BRWD1: variants seen among roughly 807,000 people sequenced by gnomAD.
BRWD1 encodes bromodomain and WD repeat-containing protein 1.
BRWD1 carries 82 observed loss-of-function variants against 251.2 expected under a neutral mutation model. The ratio of observed to expected loss-of-function variants is 0.33; its 90% CI spans 0.27 to 0.39. The LOEUF (loss-of-function observed/expected upper bound fraction) is 0.39, where lower values mean the gene tolerates loss of function less well. Ranked by LOEUF, BRWD1 falls within the 10% of genes least tolerant of loss-of-function variation. The probability of loss-of-function intolerance (pLI) is 1.00; values close to 1 mark genes in which losing one functional copy is unlikely to be tolerated. For missense variants in BRWD1, 2,233 were observed against 2,711.6 expected, an observed-to-expected ratio of 0.82 and a Z score of 3.92; for synonymous variants, 918 against 902.8, an observed-to-expected ratio of 1.02 and a Z score of -0.30.
intron 20 of BRWD1, among the ~76,000 whole-genome samples, chr21:39,249,973 G>GAT (rs754949789): frequency 7.5e-4 from 111 of 148,702 alleles, no homozygotes; most frequent in Non-Finnish European, 1.3e-3. Flanking sequence ...CACACACATA[G>GAT]ATATATATAT....
At chr21:39,184,729 A>T (rs540550672), downstream of BRWD1, 1 of 152,386 alleles carries the variant, frequency 6.6e-6, no homozygotes, top group Non-Finnish European at 1.5e-5. Context: ...TTGAACATTT[A>T]GCAATAAAAT....
At chr21:39,262,492 G>A (rs940777593) in intron 17 of BRWD1, among the ~76,000 whole-genome samples, 5 of 152,158 alleles carry the variant, frequency 3.3e-5, no homozygotes, top group Admixed American at 2.0e-4. Flanking sequence ...CGAGGCAGGC[G>A]GATCATGAGG....
rs1167152493 is a variant in BRWD1, at chr21:39,190,232, T to G, written c.*6027A>C. The G allele has an allele frequency of 1.0e-6, 1 of 979,686 alleles. No individual in the cohort carries two copies. Among genetic ancestry groups the G allele is most frequent in the Non-Finnish European group, 1.2e-6 (1 of 825,020 alleles). The allele number at this position is 979,686 out of a possible 1,614,324, so 60.7% of individuals were successfully genotyped here. On this transcript the variant is annotated 3_prime_UTR_variant, in exon 41 of 41. Transcript: ENST00000342449. ...GGATTAATCATATTCTAATTAGACT[T>G]TTTTTTAATTTTTAAGCTACCTTAT...
chr21:39,255,097 G>T (rs547978910), intron 19 of BRWD1, among the ~76,000 whole-genome samples: 1 of 152,250 alleles, frequency 6.6e-6, no homozygotes, highest in South Asian at 2.1e-4. Context: ...GGACAAAAGT[G>T]GGTGTGTGTG....
Position 39,255,538 on chromosome 21 carries a change from T to C in BRWD1, c.2255+107A>G, listed in dbSNP as rs1351029066. On this transcript the variant is annotated intron_variant, in intron 19 of 40. Transcript: ENST00000342449. ...GTAAGATTCCCACTCATTACTAATA[T>C]ATTTATACAATTATTTACACAATTA... The C allele has an allele frequency of 4.4e-6, 4 of 912,312 alleles. No homozygotes were observed. The African/African-American group carries it at 6.7e-5, about 15-fold the overall frequency. The allele number at this position is 912,312 out of a possible 1,614,324, so 56.5% of individuals were successfully genotyped here. A position where few individuals can be genotyped will look rare whatever the true frequency, so the allele number is the denominator to read the frequency against.
At chr21:39,228,607 T>TA in intron 26 of BRWD1, 25 bp from the exon 27 acceptor site, 1 of 1,397,214 alleles carries the variant, frequency 7.2e-7, no homozygotes. Context: ...AAAAAATTGT[T>TA]AAACTCTCTA....
chr21:39,219,040 C>G (rs912733993), intron 29 of BRWD1, among the ~76,000 whole-genome samples: 3 of 20,824 alleles, frequency 1.4e-4, no homozygotes, highest in African/African-American at 7.8e-4. Context: ...AAAGTCAAGT[C>G]AAAATGGATA....
chr21:39,264,144 A>G, intron 17 of BRWD1, among the ~76,000 whole-genome samples: 1 of 152,144 alleles, frequency 6.6e-6, no homozygotes, highest in South Asian at 2.1e-4. Flanking sequence ...GAAGCTATAA[A>G]CGAACATTAC....
At position 39,312,865 on chromosome 21, in the gene BRWD1, C is replaced by A; in HGVS notation, c.174G>T (p.Glu58Asp). The A allele has an allele frequency of 6.3e-7, 1 of 1,577,076 alleles. No individual in the cohort carries two copies. Among genetic ancestry groups the A allele is most frequent in the Non-Finnish European group, 8.6e-7 (1 of 1,164,522 alleles). The change falls in exon 4 of 41, where the codon GAG becomes GAT. Residue 58 changes from glutamate (E) to aspartate (D), a missense_variant. Physicochemically the swap from Glu to Asp is conservative, Grantham distance 45. Around this residue, in one of 12 missense-constraint regions of BRWD1, gnomAD observed 101 missense variants for 95.6 expected, o/e 1.06. Coordinates refer to ENST00000342449, the MANE Select transcript of BRWD1 (RefSeq NM_033656.4). ...LPKRLDWEGNEHNRSYEELVL... is the reference protein window; with the variant it reads ...LPKRLDWEGNDHNRSYEELVL... ...CCAACTCCTCGTAGCTCCTGTTGTG[C>A]TCGTTGCCCTCCCAGTCCAATCTCT...
In BRWD1 at chr21:39,223,101, C is replaced by A. The variant is rs539868321; in HGVS notation, c.3382+1307G>T. On this transcript the variant is annotated intron_variant, in intron 29 of 40. Transcript: ENST00000342449. ...TGGATTAAAGACTAAGATGACATGA[C>A]AAATCCAAAATGTGAAAGGATATTA... Among the ~76,000 whole-genome samples the A allele has an allele frequency of 4.6e-5, 7 of 152,176 alleles. No homozygotes were observed. The East Asian group carries it at 1.3e-3, about 29-fold the overall frequency.
At chr21:39,216,767 C>T (rs2032909594) in intron 31 of BRWD1, 2 of 371,470 alleles carry the variant, frequency 5.4e-6, no homozygotes, top group South Asian at 2.4e-5. Context: ...CCTGTTCAGA[C>T]CATTGCTTAC....
chr21:39,235,470 A>C (rs530638189), intron 23 of BRWD1: 1 of 157,784 alleles, frequency 6.3e-6, no homozygotes, highest in African/African-American at 2.4e-5. Flanking sequence ...CTGCCTCTCC[A>C]GCATTGCTCA....
At chr21:39,317,300 T>C (rs1037393507), upstream of BRWD1, 2 of 152,240 alleles carry the variant, frequency 1.3e-5, no homozygotes, top group African/African-American at 4.8e-5. Context: ...GAAATAACTT[T>C]AGAGTTTCAC....
chr21:39,258,820 A>G, intron 17 of BRWD1, 148 bp from the exon 18 acceptor site: 1 of 519,494 alleles, frequency 1.9e-6, no homozygotes, highest in Non-Finnish European at 3.1e-6. Flanking sequence ...CTACATATTC[A>G]CCAAGAAGTC....
chr21:39,311,244 T>G (rs954047986), intron 4 of BRWD1, among the ~76,000 whole-genome samples: 1 of 152,056 alleles, frequency 6.6e-6, no homozygotes. Flanking sequence ...GATAGTTCAA[T>G]GCAGCCTCAA....
Position 39,188,440 on chromosome 21 carries a change from A to C in BRWD1, c.*7819T>G, listed in dbSNP as rs2146433343. On this transcript the variant is annotated 3_prime_UTR_variant, in exon 41 of 41. Coordinates refer to ENST00000342449, the MANE Select transcript of BRWD1 (RefSeq NM_033656.4). ...CTCCACCACATTCTTTTTACTACTA[A>C]GTACTAGAAAATGAGAGCTCTTTTA... is the stretch of plus-strand genomic sequence containing the variant. 1.0e-6 allele frequency: 1 copy of C among 985,352 alleles called. No individual in the cohort carries two copies. The highest frequency in any genetic ancestry group is 1.2e-6 in the Non-Finnish European group (1 of 829,876). 61.0% of individuals were successfully genotyped at this position (985,352 alleles called of 1,614,324 possible). A position where few individuals can be genotyped will look rare whatever the true frequency, so the allele number is the denominator to read the frequency against.
At chr21:39,204,486 C>A (rs1388014152) in intron 37 of BRWD1, among the ~76,000 whole-genome samples, 1 of 152,070 alleles carries the variant, frequency 6.6e-6, no homozygotes, top group African/African-American at 2.4e-5. Context: ...AATTAATATA[C>A]AATTACTGAG....
At position 39,293,808 on chromosome 21, in the gene BRWD1, T is replaced by C. The variant is rs367949853; in HGVS notation, c.831+3A>G. On this transcript the variant is annotated splice_donor_region_variant and intron_variant, in intron 8 of 40. Coordinates refer to ENST00000342449, the MANE Select transcript of BRWD1 (RefSeq NM_033656.4). ...GAATGTGCCCACTAAGCTACAAGTT[T>C]ACCTGTAAAGATGTAATTGATCCTG... 61 of 1,611,880 alleles carry C rather than the reference T, an allele frequency of 3.8e-5. No homozygotes were observed. Among genetic ancestry groups the C allele is most frequent in the Non-Finnish European group, 4.9e-5 (58 of 1,178,172 alleles).
intron 8 of BRWD1, among the ~76,000 whole-genome samples, chr21:39,281,646 A>G (rs1040425832): frequency 6.6e-6 from 1 of 152,210 alleles, no homozygotes; most frequent in African/African-American, 2.4e-5. Flanking sequence ...CCTGGCCAAC[A>G]TGGTGAAACA....
Sources: gnomAD v4.1 joint callset for allele counts (sites outside exome capture counted in the v4.1 genomes callset) on GRCh38, gnomAD v4.1.1 for gene constraint, gnomAD v4.1.1 regional missense constraint, MANE v1.5 for transcripts, NCBI Gene and HGNC (gene_info 2026-07-23, HGNC 2026-07-21) for gene names.